SULT1E1: variants seen among roughly 807,000 people sequenced by gnomAD.
The protein encoded by SULT1E1 is sulfotransferase family 1E member 1, also known as sulfotransferase 1E1.
SULT1E1 carries 36 observed loss-of-function variants against 33.6 expected under a neutral mutation model. The observed-to-expected ratio is 1.07, with a 90% confidence interval of 0.82 to 1.41. SULT1E1 has a LOEUF of 1.41. Among genes scored for constraint, SULT1E1 ranks in the 40% most tolerant of loss-of-function variants. SULT1E1 has a pLI of 0.00. For missense variants in SULT1E1, 371 were observed against 345.7 expected (o/e 1.07, Z -0.58); for synonymous variants, 121 against 111.7 (o/e 1.08, Z -0.53).
chr4:69,847,370 T>C (rs1382748933), intron 6 of SULT1E1, among the ~76,000 whole-genome samples: 1 of 151,510 alleles, frequency 6.6e-6, no homozygotes, highest in Non-Finnish European at 1.5e-5. Flanking sequence ...ACCAGTTAAT[T>C]GCTTGCCCAT....
At chr4:69,853,155 T>A (rs1721161294) in intron 4 of SULT1E1, among the ~76,000 whole-genome samples, 1 of 152,154 alleles carries the variant, frequency 6.6e-6, no homozygotes, top group Admixed American at 6.6e-5. Context: ...TATCCCCTTT[T>A]TGTTAGTGAT....
At chr4:69,838,602 T>C (rs529788222), downstream of SULT1E1, 47 of 152,294 alleles carry the variant, frequency 3.1e-4, no homozygotes, top group African/African-American at 1.1e-3. Flanking sequence ...TATTTTCTCT[T>C]TTCTTTTTCT....
intron 6 of SULT1E1, among the ~76,000 whole-genome samples, chr4:69,846,300 A>G (rs1407261826): frequency 7.9e-6 from 1 of 127,152 alleles, no homozygotes; most frequent in Non-Finnish European, 1.7e-5. Flanking sequence ...CATAAACAAA[A>G]CAATCAAAAA....
At chr4:69,831,315 G>A in the SULT1E1 span, among the ~76,000 whole-genome samples, 2 of 152,118 alleles carry the variant, frequency 1.3e-5, no homozygotes, top group Admixed American at 6.5e-5. Context: ...TTTTGGGTTC[G>A]GCTGCTTGGG....
intron 7 of SULT1E1, 35 bp from the exon 8 acceptor site, chr4:69,842,141 T>C: frequency 1.6e-6 from 2 of 1,246,852 alleles, no homozygotes; most frequent in East Asian, 2.3e-5. Flanking sequence ...AAATATTAAG[T>C]CTTCCAAAAA....
the SULT1E1 span, among the ~76,000 whole-genome samples, chr4:69,827,184 C>T: frequency 1.3e-5 from 2 of 152,192 alleles, no homozygotes; most frequent in Admixed American, 6.5e-5. Flanking sequence ...TTCTATCTCA[C>T]TTGGAGAGAT....
At chr4:69,826,064 C>T in the SULT1E1 span, among the ~76,000 whole-genome samples, 1 of 152,098 alleles carries the variant, frequency 6.6e-6, no homozygotes, top group Non-Finnish European at 1.5e-5. Flanking sequence ...CTCAGACAAG[C>T]AGGCCTAACA....
chr4:69,855,547 G>T, intron 2 of SULT1E1, 121 bp from the exon 3 acceptor site: 2 of 867,212 alleles, frequency 2.3e-6, no homozygotes, highest in Non-Finnish European at 3.3e-6. Context: ...AAGGGTGTCT[G>T]AATAGCCACA....
In SULT1E1 at chr4:69,841,509, G is replaced by C. The variant is rs1219085892; in HGVS notation, c.*485C>G. On this transcript the variant is annotated 3_prime_UTR_variant, in exon 8 of 8. Coordinates refer to ENST00000226444, the MANE Select transcript of SULT1E1 (RefSeq NM_005420.3). ...TGTGGGAAGATCACTTGAGCTCAAGGGTTTCAGACCAGCCTGGACACTATA... is the reference window on the plus strand; with the variant it reads ...TGTGGGAAGATCACTTGAGCTCAAGCGTTTCAGACCAGCCTGGACACTATA... 6.6e-6 allele frequency: 1 copy of C among 152,358 alleles called. No individual in the cohort carries two copies. The highest frequency in any genetic ancestry group is 1.5e-5 in the Non-Finnish European group (1 of 68,304). The allele number at this position is 152,358 out of a possible 1,614,324, so 9.4% of individuals were successfully genotyped here.
chr4:69,823,289 G>A, the SULT1E1 span, among the ~76,000 whole-genome samples: 260 of 152,246 alleles, frequency 1.7e-3, no homozygotes, highest in African/African-American at 3.0e-3. Context: ...CCAGATGGTC[G>A]TTATCTGGGC....
chr4:69,852,320 G>C (rs1721141387), intron 4 of SULT1E1, among the ~76,000 whole-genome samples: 1 of 152,002 alleles, frequency 6.6e-6, no homozygotes, highest in African/African-American at 2.4e-5. Context: ...TGATCTACTT[G>C]ATTCTCTAAG....
chr4:69,839,740 A>G (rs1268238512), downstream of SULT1E1, among the ~76,000 whole-genome samples: 3 of 152,162 alleles, frequency 2.0e-5, no homozygotes, highest in Non-Finnish European at 4.4e-5. Flanking sequence ...TCCAGTCCAT[A>G]TGGACTGTAA....
the SULT1E1 span, among the ~76,000 whole-genome samples, chr4:69,831,117 G>T: frequency 7.2e-5 from 11 of 152,192 alleles, no homozygotes; most frequent in Admixed American, 3.3e-4. Flanking sequence ...CTTGTGGGCA[G>T]CTGGGGCAGT....
chr4:69,843,963 T>A (rs1295249736), intron 7 of SULT1E1, among the ~76,000 whole-genome samples, 198 bp downstream of exon 7: 4 of 152,188 alleles, frequency 2.6e-5, no homozygotes, highest in Admixed American at 2.0e-4. Flanking sequence ...TAACATAATA[T>A]GATGCATATA....
At chr4:69,857,979 A>T (rs192867300) in intron 1 of SULT1E1, among the ~76,000 whole-genome samples, 31 of 152,260 alleles carry the variant, frequency 2.0e-4, no homozygotes, top group African/African-American at 4.8e-4. Flanking sequence ...ATTTCTTTCA[A>T]AATTGCTGGG....
chr4:69,857,479 A>G (rs370906585), intron 2 of SULT1E1, 21 bp downstream of exon 2: 1 of 1,581,216 alleles, frequency 6.3e-7, no homozygotes, highest in African/African-American at 1.4e-5. Context: ...TAGGTGAAAA[A>G]AGAACAACAA....
At chr4:69,847,426 G>A (rs1054422374) in intron 6 of SULT1E1, among the ~76,000 whole-genome samples, 1 of 151,432 alleles carries the variant, frequency 6.6e-6, no homozygotes, top group Admixed American at 6.6e-5. Context: ...GCCTATGTGT[G>A]TGTGTTATTG....
chr4:69,824,385 T>C, the SULT1E1 span, among the ~76,000 whole-genome samples: 1 of 152,200 alleles, frequency 6.6e-6, no homozygotes, highest in Non-Finnish European at 1.5e-5. Flanking sequence ...CTTAGTTAGA[T>C]CTGGCAGCCC....
Position 69,855,571 on chromosome 4 carries a change from T to C in SULT1E1, c.146-145A>G, listed in dbSNP as rs369304117. On this transcript the variant is annotated intron_variant, in intron 2 of 7. Coordinates refer to ENST00000226444, the MANE Select transcript of SULT1E1 (RefSeq NM_005420.3). ...TGAATAGCCACAGACTCAGGAAATA[T>C]TTTCTATAATATTTTATGTTTAGAA... The C allele has an allele frequency of 7.5e-6, 5 of 664,144 alleles. No individual in the cohort carries two copies. The East Asian group carries it at 1.2e-4, about 16-fold the overall frequency. 41.1% of individuals were successfully genotyped at this position (664,144 alleles called of 1,614,324 possible).
Sources: allele counts gnomAD v4.1 joint callset (sites outside exome capture counted in the v4.1 genomes callset), GRCh38; gene constraint gnomAD v4.1.1; transcripts MANE v1.5; gene names NCBI Gene and HGNC (gene_info 2026-07-23, HGNC 2026-07-21).